Variants in RTN4RL1 observed in about 807,000 individuals in gnomAD.
RTN4RL1 encodes reticulon-4 receptor-like 1.
In RTN4RL1, 7 loss-of-function variants were observed where a neutral mutation model predicts 25.6. The observed-to-expected ratio is 0.27, with a 90% CI of 0.16 to 0.51. RTN4RL1 has a LOEUF of 0.51. Ranked by LOEUF, RTN4RL1 falls within the 20% of genes least tolerant of loss-of-function variation. The pLI is 0.97. For missense variants in RTN4RL1, 500 were observed against 615.6 expected (o/e 0.81, Z 1.99); for synonymous variants, 297 against 288.2 (o/e 1.03, Z -0.31).
intron 1 of RTN4RL1, among the ~76,000 whole-genome samples, chr17:2,010,165 A>G (rs1209799610): frequency 3.1e-5 from 4 of 127,790 alleles, no homozygotes; most frequent in Non-Finnish European, 6.6e-5. Context: ...CTGATAGAAT[A>G]TAGTTGTTTA....
At chr17:2,019,033 TCTCTCCAGTTCCTCGA>T (rs1458529584) in intron 1 of RTN4RL1, 4 of 152,238 alleles carry the variant, frequency 2.6e-5, no homozygotes, top group Non-Finnish European at 4.4e-5. Flanking sequence ...AGCGGGCTCC[TCTCTCCAGTTCCTCGA>T]CATCCCTGGA....
chr17:1,943,884 T>C (rs575930586), intron 1 of RTN4RL1, among the ~76,000 whole-genome samples: 9 of 151,870 alleles, frequency 5.9e-5, no homozygotes, highest in African/African-American at 2.2e-4. Flanking sequence ...GCATAGGGCA[T>C]TGGAAAGAGC....
intron 1 of RTN4RL1, among the ~76,000 whole-genome samples, chr17:1,954,966 A>T (rs923152852): frequency 6.6e-6 from 1 of 152,136 alleles, no homozygotes; most frequent in Non-Finnish European, 1.5e-5. Flanking sequence ...CTCACAGATA[A>T]TTCTCCTCGG....
chr17:1,943,367 C>G, intron 1 of RTN4RL1, among the ~76,000 whole-genome samples: 1 of 152,226 alleles, frequency 6.6e-6, no homozygotes, highest in East Asian at 1.9e-4. Context: ...CCCAGAGCCT[C>G]GAGCTGCTCA....
chr17:2,012,252 T>C (rs1472859517), intron 1 of RTN4RL1, among the ~76,000 whole-genome samples: 3 of 152,226 alleles, frequency 2.0e-5, no homozygotes, highest in Non-Finnish European at 4.4e-5. Flanking sequence ...CGAGAGGTTA[T>C]TTTCCTAACA....
At position 1,966,086 on chromosome 17, in the gene RTN4RL1, C is replaced by G. The variant is rs1007204343; in HGVS notation, c.14-28278G>C. ...TCCTGCTCAGGTCAACAGCCCCCCG[C>G]CCACCTCCCTGCCCCTCTGTGATGG... On this transcript the variant is annotated intron_variant, in intron 1 of 1. Coordinates refer to ENST00000331238, the MANE Select transcript of RTN4RL1 (RefSeq NM_178568.4). Among the ~76,000 whole-genome samples the G allele has an allele frequency of 2.0e-5, 3 of 152,156 alleles. No homozygotes were observed. In the South Asian group the frequency reaches 6.2e-4, roughly 32 times the overall value.
intron 1 of RTN4RL1, chr17:1,995,672 C>A (rs2066926470): frequency 6.6e-6 from 1 of 152,252 alleles, no homozygotes; most frequent in South Asian, 2.1e-4. Context: ...TCATCCCCCT[C>A]AGATGGCTCG....
intron 1 of RTN4RL1, among the ~76,000 whole-genome samples, chr17:1,939,225 C>T (rs1017939862): frequency 2.0e-5 from 3 of 149,820 alleles, no homozygotes; most frequent in East Asian, 2.0e-4. Flanking sequence ...TGGTGGCGCG[C>T]ACTTGTAGTC....
chr17:1,952,945 C>T (rs932979100), intron 1 of RTN4RL1, among the ~76,000 whole-genome samples: 2 of 151,560 alleles, frequency 1.3e-5, no homozygotes, highest in Non-Finnish European at 2.9e-5. Flanking sequence ...GGTGTGGTGG[C>T]GTGCCTCTGT....
intron 1 of RTN4RL1, among the ~76,000 whole-genome samples, chr17:1,989,543 C>T (rs1220364846): frequency 2.6e-5 from 4 of 151,960 alleles, no homozygotes; most frequent in East Asian, 1.9e-4. Context: ...AACAGAAAGC[C>T]GGGGAGTGGG....
chr17:2,011,207 C>T (rs972325632), intron 1 of RTN4RL1, among the ~76,000 whole-genome samples: 4 of 152,060 alleles, frequency 2.6e-5, no homozygotes, highest in East Asian at 3.9e-4. Flanking sequence ...GCCAAGATCG[C>T]GCCATTGCAC....
At chr17:1,959,555 A>G (rs939408138) in intron 1 of RTN4RL1, among the ~76,000 whole-genome samples, 6 of 151,992 alleles carry the variant, frequency 3.9e-5, no homozygotes, top group Admixed American at 3.3e-4. Context: ...GTCCAGGCCC[A>G]AGTCTTTGTT....
At chr17:2,002,473 T>C (rs991928347) in intron 1 of RTN4RL1, among the ~76,000 whole-genome samples, 15 of 150,368 alleles carry the variant, frequency 1.0e-4, no homozygotes, top group Admixed American at 2.0e-4. Flanking sequence ...TTTGTATTTT[T>C]AGTACAGATG....
At chr17:1,987,582 T>C (rs974868774) in intron 1 of RTN4RL1, among the ~76,000 whole-genome samples, 1 of 152,146 alleles carries the variant, frequency 6.6e-6, no homozygotes, top group African/African-American at 2.4e-5. Context: ...CCGTCTTTTG[T>C]AACCAGAGTC....
chr17:1,948,656 T>C (rs1409315598), intron 1 of RTN4RL1, among the ~76,000 whole-genome samples: 1 of 151,488 alleles, frequency 6.6e-6, no homozygotes, highest in East Asian at 1.9e-4. Flanking sequence ...AGTGATACCA[T>C]AGGTGTGTTT....
chr17:1,983,081 C>T (rs1304568957), intron 1 of RTN4RL1, among the ~76,000 whole-genome samples: 3 of 151,392 alleles, frequency 2.0e-5, no homozygotes, highest in Non-Finnish European at 4.4e-5. Context: ...GACAGAGTCT[C>T]GCCCTGTCAC....
chr17:2,005,685 T>C (rs1026328940), intron 1 of RTN4RL1, among the ~76,000 whole-genome samples: 3 of 151,610 alleles, frequency 2.0e-5, no homozygotes, highest in Non-Finnish European at 4.4e-5. Flanking sequence ...TGAGCTGGGA[T>C]TGCACTGTTG....
intron 1 of RTN4RL1, among the ~76,000 whole-genome samples, chr17:2,024,433 C>T (rs1486548078): frequency 2.6e-5 from 4 of 151,564 alleles, no homozygotes; most frequent in African/African-American, 4.9e-5. Flanking sequence ...GGTCACTGAC[C>T]GCTGGCTGCA....
intron 1 of RTN4RL1, among the ~76,000 whole-genome samples, chr17:2,002,449 C>CGCCCG (rs1567521943): frequency 1.1e-4 from 16 of 150,170 alleles, no homozygotes; most frequent in African/African-American, 4.0e-4. Context: ...CCCGCCACCT[C>CGCCCG]GCCTGGCTAA....
Sources: allele counts gnomAD v4.1 joint callset (sites outside exome capture counted in the v4.1 genomes callset), GRCh38; gene constraint gnomAD v4.1.1; transcripts MANE v1.5; gene names NCBI Gene and HGNC (gene_info 2026-07-23, HGNC 2026-07-21).